AGPS: variants seen among roughly 807,000 people sequenced by gnomAD.
The protein encoded by AGPS is alkylglycerone phosphate synthase, also known as alkyldihydroxyacetonephosphate synthase, peroxisomal.
In AGPS, 26 loss-of-function variants were observed where a neutral mutation model predicts 90.7. The observed-to-expected ratio is 0.29, with a 90% CI of 0.21 to 0.40. AGPS has a LOEUF of 0.40. AGPS is among the 10% of genes least tolerant of loss of function. AGPS has a pLI of 1.00. For synonymous variants in AGPS, 294 were observed against 285.3 expected (o/e 1.03, Z -0.31); for missense variants, 540 against 816.1 (o/e 0.66, Z 4.12).
chr2:177,427,313 A>T (rs1686113487), intron 2 of AGPS, among the ~76,000 whole-genome samples: 1 of 151,972 alleles, frequency 6.6e-6, no homozygotes, highest in Non-Finnish European at 1.5e-5. Context: ...TCCTGGATTC[A>T]TTGGCTTTTT....
intron 1 of AGPS, among the ~76,000 whole-genome samples, chr2:177,402,057 A>G (rs924836741): frequency 1.3e-5 from 2 of 152,240 alleles, no homozygotes; most frequent in African/African-American, 4.8e-5. Context: ...CTTACATTCC[A>G]GTGGGTGAAA....
chr2:177,393,654 A>C, intron 1 of AGPS: 1 of 821,394 alleles, frequency 1.2e-6, no homozygotes, highest in Non-Finnish European at 1.5e-6. Flanking sequence ...TGGTATAGCT[A>C]CTGAGCTCTG....
chr2:177,404,879 AGAT>A (rs2105590488), intron 1 of AGPS, among the ~76,000 whole-genome samples: 1 of 152,324 alleles, frequency 6.6e-6, no homozygotes, highest in African/African-American at 2.4e-5. Flanking sequence ...GCCTGCACTC[AGAT>A]TTTATACAAT....
chr2:177,435,535 A>C (rs1218307619), intron 3 of AGPS, among the ~76,000 whole-genome samples: 1 of 152,072 alleles, frequency 6.6e-6, no homozygotes, highest in African/African-American at 2.4e-5. Flanking sequence ...GAGTTCTTTT[A>C]GTATTTCCTT....
intron 1 of AGPS, among the ~76,000 whole-genome samples, chr2:177,408,298 T>C (rs1685519164): frequency 6.6e-6 from 1 of 152,214 alleles, no homozygotes; most frequent in Non-Finnish European, 1.5e-5. Context: ...CTATGTGTGA[T>C]ATGTGGCCTT....
chr2:177,521,418 A>G, intron 18 of AGPS, 50 bp downstream of exon 18: 1 of 1,424,042 alleles, frequency 7.0e-7, no homozygotes, highest in Non-Finnish European at 9.9e-7. Context: ...ATTAATTTCA[A>G]TAAATTTTAC....
chr2:177,499,620 T>A lies in AGPS; in HGVS notation c.1365T>A (p.Phe455Leu), dbSNP rs890045184. 1 of 1,601,924 alleles carries A rather than the reference T, an allele frequency of 6.2e-7. No individual in the cohort carries two copies. Residue 455 changes from phenylalanine to leucine, a missense_variant and splice_region_variant, in exon 14 of 20, where the codon TTT becomes TTA. Phe to Leu is a conservative substitution (Grantham distance 22). Transcript: ENST00000264167. ...DGLKKFYITK[F>L]KGFDPNQLSV... Reference sequence around the variant, plus strand: ...AATAAATTTTTTTTTTTTTGTAGTTTAAAGGATTTGACCCAAATCAGCTAA... The same window carrying A: ...AATAAATTTTTTTTTTTTTGTAGTTAAAAGGATTTGACCCAAATCAGCTAA...
At chr2:177,517,515 ACTT>A (rs996770978) in intron 17 of AGPS, among the ~76,000 whole-genome samples, 18 of 152,144 alleles carry the variant, frequency 1.2e-4, no homozygotes, top group African/African-American at 4.3e-4. Flanking sequence ...AGTTTGGAAA[ACTT>A]AACTGATCAC....
At chr2:177,418,540 C>A (rs902478998) in intron 1 of AGPS, among the ~76,000 whole-genome samples, 1 of 151,776 alleles carries the variant, frequency 6.6e-6, no homozygotes, top group African/African-American at 2.4e-5. Context: ...TTGTAGAGAA[C>A]AGAATTATAA....
chr2:177,446,132 T>C (rs576063561), intron 8 of AGPS, among the ~76,000 whole-genome samples: 1 of 146,916 alleles, frequency 6.8e-6, no homozygotes, highest in South Asian at 2.2e-4. Flanking sequence ...ATGCAGGGCT[T>C]CTCAGGGTGA....
At chr2:177,426,603 G>A (rs1012579004) in intron 2 of AGPS, among the ~76,000 whole-genome samples, 5 of 152,158 alleles carry the variant, frequency 3.3e-5, no homozygotes, top group African/African-American at 1.2e-4. Flanking sequence ...AACATGAAGA[G>A]ATGCTGAATT....
chr2:177,453,250 C>CT (rs1272638173), intron 8 of AGPS, among the ~76,000 whole-genome samples: 1 of 150,596 alleles, frequency 6.6e-6, no homozygotes, highest in Non-Finnish European at 1.5e-5. Context: ...ATGTAATATG[C>CT]TTTTTCCCCC....
chr2:177,491,670 C>A (rs1688264612), intron 11 of AGPS, among the ~76,000 whole-genome samples: 1 of 150,322 alleles, frequency 6.7e-6, no homozygotes, highest in Non-Finnish European at 1.5e-5. Context: ...TGTTTGCAAA[C>A]CAAGATTTAA....
intron 5 of AGPS, among the ~76,000 whole-genome samples, chr2:177,438,628 T>G (rs2105633297): frequency 6.6e-6 from 1 of 152,140 alleles, no homozygotes; most frequent in South Asian, 2.1e-4. Context: ...GCCATAAGGG[T>G]TTTCATGCCG....
At chr2:177,424,621 G>A (rs187931245) in intron 2 of AGPS, among the ~76,000 whole-genome samples, 1 of 152,236 alleles carries the variant, frequency 6.6e-6, no homozygotes, top group African/African-American at 2.4e-5. Context: ...GGGACTGCTG[G>A]GTCAAATGGT....
At chr2:177,520,452 A>G (rs1018684693) in intron 17 of AGPS, among the ~76,000 whole-genome samples, 7 of 152,314 alleles carry the variant, frequency 4.6e-5, no homozygotes, top group African/African-American at 1.4e-4. Flanking sequence ...GACGGAGCCA[A>G]TGAAAGGAAC....
chr2:177,533,008 G>A (rs2079151670), intron 19 of AGPS, among the ~76,000 whole-genome samples: 1 of 152,150 alleles, frequency 6.6e-6, no homozygotes, highest in Non-Finnish European at 1.5e-5. Context: ...ACAGCGCAGG[G>A]ATCCTTAGTT....
At chr2:177,402,175 T>A (rs1685350424) in intron 1 of AGPS, among the ~76,000 whole-genome samples, 1 of 152,122 alleles carries the variant, frequency 6.6e-6, no homozygotes, top group African/African-American at 2.4e-5. Flanking sequence ...GGTTCAAATT[T>A]TAAGAAGGAT....
In AGPS at chr2:177,493,182, A is replaced by G. The variant is rs1319350972; in HGVS notation, c.1268A>G (p.Asn423Ser). ...CAPASIRLMD[N>S]KQFQFGHALK... ...CCGGCATCTATTCGCCTCATGGACA[A>G]CAAGCAGTTTCAGTTTGGTAAGTAA... The change falls in exon 12 of 20, where the codon AAC (asparagine) becomes AGC (serine). Residue 423 changes from asparagine (N) to serine (S), a missense_variant. By Grantham distance (46) the Asn-to-Ser change is conservative (BLOSUM62 1). This residue lies in a region of AGPS where 405 missense variants were observed against 692.1 expected (regional missense o/e 0.59). Coordinates refer to ENST00000264167, the MANE Select transcript of AGPS (RefSeq NM_003659.4). The G allele has an allele frequency of 1.2e-6, 2 of 1,613,596 alleles. No individual in the cohort carries two copies. Among genetic ancestry groups the G allele is most frequent in the African/African-American group, 1.3e-5 (1 of 75,024 alleles).
Sources: allele counts gnomAD v4.1 joint callset (sites outside exome capture counted in the v4.1 genomes callset), GRCh38; gene constraint gnomAD v4.1.1; regional missense constraint gnomAD v4.1.1; transcripts MANE v1.5; gene names NCBI Gene and HGNC (gene_info 2026-07-23, HGNC 2026-07-21).